Variants in FOXO3 observed in about 807,000 individuals in gnomAD.
The protein encoded by FOXO3 is forkhead box protein O3.
In FOXO3, 4 loss-of-function variants were observed where a neutral mutation model predicts 41.9. The ratio of observed to expected loss-of-function variants is 0.10; its 90% CI spans 0.05 to 0.22. The LOEUF (loss-of-function observed/expected upper bound fraction) is 0.22, where lower values mean the gene tolerates loss of function less well. FOXO3 is among the 10% of genes least tolerant of loss of function. The pLI is 1.00. For synonymous variants in FOXO3, 318 were observed against 389.3 expected (o/e 0.82, Z 2.16); for missense variants, 534 against 906.8 (o/e 0.59, Z 5.28).
chr6:108,617,591 C>G (rs908402528), intron 1 of FOXO3, among the ~76,000 whole-genome samples: 1 of 152,012 alleles, frequency 6.6e-6, no homozygotes, highest in South Asian at 2.1e-4. Flanking sequence ...CATGAAAATT[C>G]TCCAGTTGAA....
At chr6:108,650,707 G>A (rs1446950803) in intron 1 of FOXO3, among the ~76,000 whole-genome samples, 1 of 152,134 alleles carries the variant, frequency 6.6e-6, no homozygotes, top group Non-Finnish European at 1.5e-5. Context: ...ACACATTTGG[G>A]AACACCCTAG....
chr6:108,560,900 C>T (rs1775761674), upstream of FOXO3: 1 of 1,152,476 alleles, frequency 8.7e-7, no homozygotes, highest in East Asian at 3.3e-5. Context: ...GGCTCCATCG[C>T]GGCCTGGCCG....
intron 2 of FOXO3, among the ~76,000 whole-genome samples, chr6:108,678,391 T>C (rs549829452): frequency 9.5e-4 from 144 of 152,344 alleles, no homozygotes; most frequent in South Asian, 4.8e-3. Context: ...GCCGTTTCTT[T>C]ACTACCATAA....
At chr6:108,622,949 A>AT (rs1777710152) in intron 1 of FOXO3, among the ~76,000 whole-genome samples, 1 of 150,762 alleles carries the variant, frequency 6.6e-6, no homozygotes. Context: ...AAAAAAAAAA[A>AT]GCTGGAAGAG....
chr6:108,604,193 A>C lies in FOXO3; in HGVS notation c.621+42364A>C, dbSNP rs887538072. Among the ~76,000 whole-genome samples, 12 of 152,256 alleles carry C rather than the reference A, an allele frequency of 7.9e-5. No individual in the cohort carries two copies. In the East Asian group the frequency reaches 2.1e-3, roughly 27 times the overall value. On this transcript the variant is annotated intron_variant, in intron 1 of 2. Coordinates refer to ENST00000406360, the MANE Select transcript of FOXO3 (RefSeq NM_001455.4). ...AACTTTTTACTCTTAAATAATCAAG[A>C]TTTTTATGTAGATATTTTAGGAAAG...
At chr6:108,563,779 A>C (rs963908015) in intron 1 of FOXO3, among the ~76,000 whole-genome samples, 1 of 152,190 alleles carries the variant, frequency 6.6e-6, no homozygotes, top group East Asian at 1.9e-4. Flanking sequence ...AAATATAATA[A>C]GTTTAATGAA....
At chr6:108,573,194 G>A (rs1337990773) in intron 1 of FOXO3, among the ~76,000 whole-genome samples, 1 of 152,160 alleles carries the variant, frequency 6.6e-6, no homozygotes, top group Non-Finnish European at 1.5e-5. Context: ...GGCTGAGGCA[G>A]TAGAATGGCG....
intron 1 of FOXO3, among the ~76,000 whole-genome samples, chr6:108,632,499 AC>A (rs1778000006): frequency 6.6e-6 from 1 of 152,070 alleles, no homozygotes; most frequent in Admixed American, 6.5e-5. Context: ...TTCTCCCCTA[AC>A]CCACTGTGCG....
At chr6:108,584,645 T>C (rs1469224593) in intron 1 of FOXO3, among the ~76,000 whole-genome samples, 2 of 152,206 alleles carry the variant, frequency 1.3e-5, no homozygotes, top group African/African-American at 4.8e-5. Context: ...GTGGCACTTA[T>C]GTAGTATTTT....
At chr6:108,580,081 T>G (rs1776365976) in intron 1 of FOXO3, among the ~76,000 whole-genome samples, 1 of 152,170 alleles carries the variant, frequency 6.6e-6, no homozygotes, top group Non-Finnish European at 1.5e-5. Flanking sequence ...ACCTTAGATT[T>G]ATCTATCATT....
intron 2 of FOXO3, among the ~76,000 whole-genome samples, chr6:108,665,537 A>G (rs2128387954): frequency 6.6e-6 from 1 of 152,328 alleles, no homozygotes; most frequent in African/African-American, 2.4e-5. Context: ...TTAAAAAAGT[A>G]AGAGGCCAGG....
At chr6:108,582,151 A>T (rs932365474) in intron 1 of FOXO3, among the ~76,000 whole-genome samples, 1 of 152,230 alleles carries the variant, frequency 6.6e-6, no homozygotes, top group Non-Finnish European at 1.5e-5. Context: ...AATAAAGGAC[A>T]TTGGCCCTTT....
At chr6:108,609,590 A>C (rs1389733257) in intron 1 of FOXO3, among the ~76,000 whole-genome samples, 5 of 152,216 alleles carry the variant, frequency 3.3e-5, no homozygotes, top group Non-Finnish European at 7.3e-5. Flanking sequence ...GGAAGCAGGA[A>C]GACTGAGCAT....
At chr6:108,677,000 G>C (rs563782471) in intron 2 of FOXO3, among the ~76,000 whole-genome samples, 2 of 152,204 alleles carry the variant, frequency 1.3e-5, no homozygotes, top group South Asian at 2.1e-4. Context: ...GAAACCAAAG[G>C]CCTTTCTGTT....
intron 1 of FOXO3, among the ~76,000 whole-genome samples, chr6:108,576,099 CT>C (rs1448208456): frequency 6.6e-6 from 1 of 152,186 alleles, no homozygotes; most frequent in Non-Finnish European, 1.5e-5. Context: ...TATACTGTTT[CT>C]TGAAATTAGT....
At chr6:108,570,769 A>G (rs1167519606) in intron 1 of FOXO3, among the ~76,000 whole-genome samples, 2 of 152,206 alleles carry the variant, frequency 1.3e-5, no homozygotes, top group Non-Finnish European at 2.9e-5. Flanking sequence ...ACACAGCTAA[A>G]ATAATACCTT....
At chr6:108,614,820 C>T (rs1342092688) in intron 1 of FOXO3, among the ~76,000 whole-genome samples, 2 of 151,298 alleles carry the variant, frequency 1.3e-5, no homozygotes, top group Non-Finnish European at 3.0e-5. Context: ...CTATTTGTCC[C>T]ATTTGTTCTT....
intron 1 of FOXO3, among the ~76,000 whole-genome samples, chr6:108,586,637 G>T (rs563786740): frequency 6.6e-6 from 1 of 152,114 alleles, no homozygotes; most frequent in Non-Finnish European, 1.5e-5. Flanking sequence ...CCCTGGACAG[G>T]TAGGAAAACT....
Position 108,683,022 on chromosome 6 carries a change from G to A in FOXO3, c.*3230G>A, listed in dbSNP as rs1770926599. The A allele has an allele frequency of 6.5e-6, 1 of 152,678 alleles. No individual in the cohort carries two copies. The highest frequency in any genetic ancestry group is 2.4e-5 in the African/African-American group (1 of 41,462). 9.5% of individuals were successfully genotyped at this position (152,678 alleles called of 1,614,324 possible). ...CCTTCACTGTCCTGGCATGAGAACTGGCTGCCAGGCTCAGTGTACCCCATT... is the reference window on the plus strand; with the variant it reads ...CCTTCACTGTCCTGGCATGAGAACTAGCTGCCAGGCTCAGTGTACCCCATT... On this transcript the variant is annotated 3_prime_UTR_variant, in exon 3 of 3. Coordinates refer to ENST00000406360, the MANE Select transcript of FOXO3 (RefSeq NM_001455.4).
Sources: gnomAD v4.1 joint callset for allele counts (sites outside exome capture counted in the v4.1 genomes callset) on GRCh38, gnomAD v4.1.1 for gene constraint, MANE v1.5 for transcripts, NCBI Gene and HGNC (gene_info 2026-07-23, HGNC 2026-07-21) for gene names.